The following TSPAN9 variants were observed in gnomAD, a reference collection of about 807,000 sequenced individuals.
TSPAN9 encodes the protein tetraspanin-9.
Under a neutral mutation model 31.0 loss-of-function variants are expected in TSPAN9, and 16 were observed. The ratio of observed to expected loss-of-function variants is 0.52; its 90% CI spans 0.35 to 0.78. The LOEUF is 0.78. Ranked by LOEUF, TSPAN9 falls within the 30% of genes least tolerant of loss-of-function variation. The probability of loss-of-function intolerance (pLI) is 0.01; values close to 1 mark genes in which losing one functional copy is unlikely to be tolerated. For synonymous variants in TSPAN9, 145 were observed against 121.6 expected, an observed-to-expected ratio of 1.19 and a Z score of -1.27; for missense variants, 272 against 312.5, an observed-to-expected ratio of 0.87 and a Z score of 0.98.
At chr12:3,256,816 G>T (rs998144532) in intron 3 of TSPAN9, among the ~76,000 whole-genome samples, 2 of 152,162 alleles carry the variant, frequency 1.3e-5, no homozygotes, top group Admixed American at 6.5e-5. Context: ...GCGTGGGTTG[G>T]CTCCTGAAAT....
At chr12:3,217,282 T>A (rs2098381865) in intron 3 of TSPAN9, among the ~76,000 whole-genome samples, 2 of 152,174 alleles carry the variant, frequency 1.3e-5, no homozygotes, top group Non-Finnish European at 1.5e-5. Flanking sequence ...GATGGCAATG[T>A]CCCCTGAGTT....
chr12:3,281,128 G>T, intron 6 of TSPAN9, 70 bp from the exon 7 acceptor site: 1 of 1,543,154 alleles, frequency 6.5e-7, no homozygotes, highest in Non-Finnish European at 8.7e-7. Context: ...GGCCTGGGCA[G>T]GGGAAGGCCC....
intron 3 of TSPAN9, among the ~76,000 whole-genome samples, chr12:3,240,696 C>A (rs1265918870): frequency 6.6e-6 from 1 of 152,192 alleles, no homozygotes; most frequent in African/African-American, 2.4e-5. Context: ...GATCCTTACA[C>A]TACACCAGCC....
rs563799430 is a variant in TSPAN9, at chr12:3,284,967, G to A, written c.*1851G>A. The stretch of plus-strand genomic sequence containing the variant: ...GAGGACAGAACCGTTGGCATTATCA[G>A]GATTCGTGTTTTGTGGGGGTGGGAG... On this transcript the variant is annotated 3_prime_UTR_variant, in exon 9 of 9. Coordinates refer to ENST00000011898, the MANE Select transcript of TSPAN9 (RefSeq NM_006675.5). 1 of 152,452 alleles carries A rather than the reference G, an allele frequency of 6.6e-6. No individual in the cohort carries two copies. The highest frequency in any genetic ancestry group is 1.9e-4 in the East Asian group (1 of 5,182). The allele number at this position is 152,452 out of a possible 1,614,324, so 9.4% of individuals were successfully genotyped here.
At chr12:3,119,335 C>A (rs2098324037) in intron 2 of TSPAN9, among the ~76,000 whole-genome samples, 1 of 152,164 alleles carries the variant, frequency 6.6e-6, no homozygotes, top group Admixed American at 6.5e-5. Flanking sequence ...TTCACTGACT[C>A]CCCAGGGTCA....
chr12:3,241,527 A>G (rs974972521), intron 3 of TSPAN9, among the ~76,000 whole-genome samples: 8 of 152,258 alleles, frequency 5.3e-5, no homozygotes, highest in African/African-American at 1.9e-4. Flanking sequence ...CTACAAATAC[A>G]ACTTCATATG....
At position 3,202,528 on chromosome 12, in the gene TSPAN9, T is replaced by G. The variant is rs2098372538; in HGVS notation, c.63+1272T>G. ...CTTGGTTCTGCATTAGCTTCTTGTG[T>G]GACCTTGGGCAAATCACTTGGTCCC... On this transcript the variant is annotated intron_variant, in intron 3 of 8. Transcript: ENST00000011898. Among the ~76,000 whole-genome samples, 4 of 152,220 alleles carry G rather than the reference T, an allele frequency of 2.6e-5. No homozygotes were observed. The South Asian group carries it at 8.3e-4, about 32-fold the overall frequency.
chr12:3,149,950 G>C (rs1591649202), intron 2 of TSPAN9: 1 of 152,278 alleles, frequency 6.6e-6, no homozygotes, highest in Non-Finnish European at 1.5e-5. Flanking sequence ...GACTTTGGGA[G>C]CATTTGTTAA....
intron 2 of TSPAN9, among the ~76,000 whole-genome samples, chr12:3,146,920 C>T (rs1320291167): frequency 6.6e-6 from 1 of 152,100 alleles, no homozygotes; most frequent in Non-Finnish European, 1.5e-5. Context: ...GATTGTGACA[C>T]TTACAAGCTT....
At chr12:3,199,238 A>G (rs2098369732) in intron 2 of TSPAN9, among the ~76,000 whole-genome samples, 1 of 152,192 alleles carries the variant, frequency 6.6e-6, no homozygotes, top group Admixed American at 6.5e-5. Flanking sequence ...AGCACCTCCC[A>G]GAGGCCAAGC....
chr12:3,213,906 C>T (rs1483270953), intron 3 of TSPAN9, among the ~76,000 whole-genome samples: 1 of 152,232 alleles, frequency 6.6e-6, no homozygotes. Context: ...GCCATGCATC[C>T]TGCATTTCCT....
At chr12:3,100,095 C>T (rs1452710000) in intron 2 of TSPAN9, among the ~76,000 whole-genome samples, 3 of 152,086 alleles carry the variant, frequency 2.0e-5, no homozygotes, top group Admixed American at 6.6e-5. Context: ...CCGCCCGCCT[C>T]GGCCTCCCAA....
At chr12:3,231,866 C>T (rs1210639135) in intron 3 of TSPAN9, among the ~76,000 whole-genome samples, 1 of 152,236 alleles carries the variant, frequency 6.6e-6, no homozygotes, top group East Asian at 1.9e-4. Flanking sequence ...GGCCACCTTG[C>T]TCCTGACGCT....
At chr12:3,243,501 C>T (rs588873) in intron 3 of TSPAN9, among the ~76,000 whole-genome samples, 9,034 of 152,308 alleles carry the variant, frequency 0.059, 351 homozygotes, top group Non-Finnish European at 0.083. Flanking sequence ...CAGGCTGCAC[C>T]GATCCCCTCA....
intron 3 of TSPAN9, among the ~76,000 whole-genome samples, chr12:3,268,994 G>A (rs867232891): frequency 2.2e-4 from 17 of 76,440 alleles, no homozygotes; most frequent in Non-Finnish European, 3.3e-4. Context: ...CCCTCCGTGC[G>A]TTCCTGCAGC....
chr12:3,109,152 G>C (rs192793347), intron 2 of TSPAN9, among the ~76,000 whole-genome samples: 1 of 151,692 alleles, frequency 6.6e-6, no homozygotes, highest in Non-Finnish European at 1.5e-5. Flanking sequence ...TAGCCAGGAT[G>C]GTCTCGATCT....
intron 2 of TSPAN9, among the ~76,000 whole-genome samples, chr12:3,097,235 T>A (rs1372748796): frequency 6.6e-6 from 1 of 152,176 alleles, no homozygotes; most frequent in Non-Finnish European, 1.5e-5. Flanking sequence ...TCCGTCTTCG[T>A]CAGCTCGACC....
At chr12:3,116,501 G>A (rs1228073987) in intron 2 of TSPAN9, among the ~76,000 whole-genome samples, 1 of 152,134 alleles carries the variant, frequency 6.6e-6, no homozygotes, top group African/African-American at 2.4e-5. Flanking sequence ...ACTCAAAACC[G>A]AGAAAGAGCC....
intron 3 of TSPAN9, among the ~76,000 whole-genome samples, chr12:3,208,926 C>T (rs779648484): frequency 1.3e-5 from 2 of 152,174 alleles, no homozygotes; most frequent in Non-Finnish European, 2.9e-5. Context: ...CAGAATAGTT[C>T]TGGATGTAGT....
Sources: gnomAD v4.1 joint callset for allele counts (sites outside exome capture counted in the v4.1 genomes callset) on GRCh38, gnomAD v4.1.1 for gene constraint, MANE v1.5 for transcripts, NCBI Gene and HGNC (gene_info 2026-07-23, HGNC 2026-07-21) for gene names.